Variants in ARL6IP5 observed in about 807,000 individuals in gnomAD.
The protein encoded by ARL6IP5 is PRA1 family protein 3.
In ARL6IP5, 6 loss-of-function variants were observed where a neutral mutation model predicts 13.0. The ratio of observed to expected loss-of-function variants is 0.46; its 90% CI spans 0.25 to 0.91. The LOEUF is 0.91. Ranked by LOEUF, ARL6IP5 falls within the 40% of genes least tolerant of loss-of-function variation. ARL6IP5 has a pLI of 0.17. For missense variants in ARL6IP5, 208 were observed against 248.8 expected (o/e 0.84, Z 1.10); for synonymous variants, 91 against 91.9 (o/e 0.99, Z 0.06).
chr3:69,085,704 A>ATGCC (rs2092245598), intron 1 of ARL6IP5, among the ~76,000 whole-genome samples: 1 of 152,108 alleles, frequency 6.6e-6, no homozygotes, highest in African/African-American at 2.4e-5. Flanking sequence ...TCTCTGCCTA[A>ATGCC]TGCCTGCCAC....
chr3:69,104,307 C>T (rs569729552), intron 2 of ARL6IP5, among the ~76,000 whole-genome samples, 157 bp from the exon 3 acceptor site: 9 of 152,176 alleles, frequency 5.9e-5, no homozygotes, highest in African/African-American at 2.2e-4. Flanking sequence ...TACATAAAGT[C>T]CAAGGAGCCA....
In ARL6IP5 at chr3:69,105,134, C is replaced by T. The variant is rs540702915; in HGVS notation, c.*498C>T. 2.3e-6 allele frequency: 1 copy of T among 429,976 alleles called. No homozygotes were observed. Among genetic ancestry groups the T allele is most frequent in the Non-Finnish European group, 4.1e-6 (1 of 241,986 alleles). The allele number at this position is 429,976 out of a possible 1,614,324, so 26.6% of individuals were successfully genotyped here. ...CTTAAAAATCAAAGATGATCTCTAT[C>T]ACTTTGCCACCTGTTTGATGTGCAG... On this transcript the variant is annotated 3_prime_UTR_variant, in exon 3 of 3. Coordinates refer to ENST00000273258, the MANE Select transcript of ARL6IP5 (RefSeq NM_006407.4).
chr3:69,095,298 G>A (rs2092283399), intron 1 of ARL6IP5, among the ~76,000 whole-genome samples: 1 of 152,016 alleles, frequency 6.6e-6, no homozygotes, highest in Non-Finnish European at 1.5e-5. Context: ...GACTGCTCTA[G>A]AATGTGTAAC....
chr3:69,089,586 C>T (rs2092258542), intron 1 of ARL6IP5, among the ~76,000 whole-genome samples: 1 of 149,742 alleles, frequency 6.7e-6, no homozygotes, highest in South Asian at 2.1e-4. Context: ...GGGAGGATTG[C>T]TCAAGGCCAG....
intron 1 of ARL6IP5, among the ~76,000 whole-genome samples, chr3:69,086,076 AG>A (rs2092246562): frequency 6.6e-6 from 1 of 152,212 alleles, no homozygotes; most frequent in Non-Finnish European, 1.5e-5. Context: ...ACATCTTTAA[AG>A]AAAAAGCCAC....
rs898315783 is a variant in ARL6IP5 at position 69,093,033 on chromosome 3, G to C, written c.176+7810G>C. 9.9e-5 allele frequency among the ~76,000 whole-genome samples: 15 copies of C among 152,012 alleles called. No individual in the cohort carries two copies. In the East Asian group the frequency reaches 2.7e-3, roughly 27 times the overall value. On this transcript the variant is annotated intron_variant, in intron 1 of 2. Coordinates refer to ENST00000273258, the MANE Select transcript of ARL6IP5 (RefSeq NM_006407.4). ...TTTTCCATAATGAAAAGTTAAAAAGGGTTTTATGAAGTCTAATCAGAGCTT... is the reference window on the plus strand; with the variant it reads ...TTTTCCATAATGAAAAGTTAAAAAGCGTTTTATGAAGTCTAATCAGAGCTT...
intron 1 of ARL6IP5, among the ~76,000 whole-genome samples, chr3:69,099,569 A>G (rs542416678): frequency 1.3e-5 from 2 of 152,362 alleles, no homozygotes; most frequent in South Asian, 4.1e-4. Context: ...AGGCAGAAAC[A>G]GAGCTAAAAT....
chr3:69,095,322 G>C (rs2092283441), intron 1 of ARL6IP5, among the ~76,000 whole-genome samples: 1 of 151,872 alleles, frequency 6.6e-6, no homozygotes, highest in African/African-American at 2.4e-5. Context: ...TATAGGGAAA[G>C]ATTTATTAAT....
At chr3:69,094,885 A>AC (rs2092282058) in intron 1 of ARL6IP5, among the ~76,000 whole-genome samples, 1 of 151,576 alleles carries the variant, frequency 6.6e-6, no homozygotes, top group Admixed American at 6.6e-5. Flanking sequence ...ATTTTGTGAG[A>AC]TTTTTTTTTC....
At chr3:69,096,669 T>A (rs1029886942) in intron 1 of ARL6IP5, among the ~76,000 whole-genome samples, 2 of 135,842 alleles carry the variant, frequency 1.5e-5, no homozygotes, top group African/African-American at 2.7e-5. Flanking sequence ...AGTGGCACAA[T>A]CTCGGCTCAC....
intron 2 of ARL6IP5, among the ~76,000 whole-genome samples, chr3:69,103,545 C>T (rs553581141): frequency 1.3e-5 from 2 of 152,300 alleles, no homozygotes; most frequent in African/African-American, 4.8e-5. Flanking sequence ...GAAAGCTCGT[C>T]AACTATTTCT....
At chr3:69,085,748 G>T (rs893149829) in intron 1 of ARL6IP5, among the ~76,000 whole-genome samples, 1 of 152,112 alleles carries the variant, frequency 6.6e-6, no homozygotes, top group Admixed American at 6.5e-5. Flanking sequence ...GGATCAAAAG[G>T]GGGGGTGTCT....
At chr3:69,103,777 T>A (rs1284468179) in intron 2 of ARL6IP5, among the ~76,000 whole-genome samples, 7 of 152,196 alleles carry the variant, frequency 4.6e-5, no homozygotes, top group Non-Finnish European at 8.8e-5. Context: ...ATGGAAGTTG[T>A]AAAACCACTG....
chr3:69,085,217 T>C lies in ARL6IP5; in HGVS notation c.170T>C (p.Ile57Thr), dbSNP rs753485326. 32 of 1,612,908 alleles carry C rather than the reference T, an allele frequency of 2.0e-5. No individual in the cohort carries two copies. Among genetic ancestry groups the C allele is most frequent in the African/African-American group, 5.3e-5 (4 of 74,906 alleles). Residue 57 changes from isoleucine (I) to threonine (T), a missense_variant, in exon 1 of 3, where the codon ATT becomes ACT. By Grantham distance (89) the Ile-to-Thr change is moderately conservative (BLOSUM62 -1). Coordinates refer to ENST00000273258, the MANE Select transcript of ARL6IP5 (RefSeq NM_006407.4). ...GTGGTGGCTGCCATGATGATTTCCATTGTGGGGTAAGTGGGGTCCCCCTAC... is the reference window on the plus strand; with the variant it reads ...GTGGTGGCTGCCATGATGATTTCCACTGTGGGGTAAGTGGGGTCCCCCTAC... ...YLVVAAMMIS[I>T]VGFLSPFNMI...
chr3:69,101,316 CTTTTTTT>C (rs549402201), intron 1 of ARL6IP5, among the ~76,000 whole-genome samples: 1 of 119,446 alleles, frequency 8.4e-6, no homozygotes. Context: ...TCAGCTCCAC[CTTTTTTT>C]TTTTTTTTTT....
intron 2 of ARL6IP5, 191 bp downstream of exon 2, chr3:69,102,247 C>T (rs1413909898): frequency 3.2e-6 from 2 of 618,630 alleles, no homozygotes; most frequent in African/African-American, 3.7e-5. Context: ...ACTATGAGGT[C>T]AAGGCCTTAT....
In ARL6IP5 at chr3:69,096,018, G is replaced by GGTGT. The variant is rs137919999; in HGVS notation, c.177-5808_177-5805dup. Among the ~76,000 whole-genome samples, 59 of 151,664 alleles carry GGTGT rather than the reference G, an allele frequency of 3.9e-4. No individual in the cohort carries two copies. The Middle Eastern group carries it at 0.01, about 27-fold the overall frequency. On this transcript the variant is annotated intron_variant, in intron 1 of 2. Coordinates refer to ENST00000273258, the MANE Select transcript of ARL6IP5 (RefSeq NM_006407.4). ...TGAGAATTTCTGTTAATCTGTAGAG[G>GGTGT]GTGTGTGTGTGTGTGTCTGTCTGTC...
chr3:69,086,644 A>C (rs528972141), intron 1 of ARL6IP5, among the ~76,000 whole-genome samples: 37 of 152,280 alleles, frequency 2.4e-4, no homozygotes, highest in African/African-American at 8.7e-4. Flanking sequence ...GGGCAGGCCC[A>C]AGGCCTGAGG....
In ARL6IP5 at chr3:69,105,603, A is replaced by T. The variant is rs948753047; in HGVS notation, c.*967A>T. 6.6e-6 allele frequency: 1 copy of T among 152,246 alleles called. No individual in the cohort carries two copies. Among genetic ancestry groups the T allele is most frequent in the Non-Finnish European group, 1.5e-5 (1 of 68,038 alleles). The allele number at this position is 152,246 out of a possible 1,614,324, so 9.4% of individuals were successfully genotyped here. A position where few individuals can be genotyped will look rare whatever the true frequency, so the allele number is the denominator to read the frequency against. On this transcript the variant is annotated 3_prime_UTR_variant, in exon 3 of 3. Coordinates refer to ENST00000273258, the MANE Select transcript of ARL6IP5 (RefSeq NM_006407.4). ...AACGTCTTTAGATGACCAAGCAAAA[A>T]GACTTTAAAAAATGGTAATGAAAAT...
Sources: gnomAD v4.1 joint callset for allele counts (sites outside exome capture counted in the v4.1 genomes callset) on GRCh38, gnomAD v4.1.1 for gene constraint, MANE v1.5 for transcripts, NCBI Gene and HGNC (gene_info 2026-07-23, HGNC 2026-07-21) for gene names.